The following PTPRK variants were observed in gnomAD, a reference collection of about 807,000 sequenced individuals.
PTPRK encodes receptor-type tyrosine-protein phosphatase kappa.
Under a neutral mutation model 178.0 loss-of-function variants are expected in PTPRK, and 75 were observed. The ratio of observed to expected loss-of-function variants is 0.42; its 90% CI spans 0.35 to 0.51. The LOEUF (loss-of-function observed/expected upper bound fraction) is 0.51, where lower values mean the gene tolerates loss of function less well. Ranked by LOEUF, PTPRK falls within the 20% of genes least tolerant of loss-of-function variation. The pLI, the probability that PTPRK is intolerant of heterozygous loss-of-function variation, is 0.02. For synonymous variants in PTPRK, 637 were observed against 620.6 expected (o/e 1.03, Z -0.39); for missense variants, 1,441 against 1,797.8 (o/e 0.80, Z 3.59).
intron 13 of PTPRK, among the ~76,000 whole-genome samples, chr6:128,010,693 CAAAT>C (rs1470640319): frequency 1.3e-5 from 2 of 151,168 alleles, no homozygotes; most frequent in African/African-American, 4.8e-5. Context: ...AGACATAGCT[CAAAT>C]AAAAGCGTCA....
intron 1 of PTPRK, among the ~76,000 whole-genome samples, chr6:128,506,724 A>C (rs192404141): frequency 2.6e-5 from 4 of 151,934 alleles, no homozygotes; most frequent in African/African-American, 9.6e-5. Context: ...AAAAAGAATA[A>C]GTTTGCTTCT....
chr6:128,094,564 A>C (rs1363028193), intron 7 of PTPRK, among the ~76,000 whole-genome samples: 1 of 152,178 alleles, frequency 6.6e-6, no homozygotes, highest in Non-Finnish European at 1.5e-5. Context: ...ATTGGGGGGT[A>C]AAATGATCCA....
chr6:127,985,902 T>C, intron 21 of PTPRK, 27 bp from the exon 22 acceptor site: 2 of 1,585,820 alleles, frequency 1.3e-6, no homozygotes, highest in Non-Finnish European at 1.7e-6. Flanking sequence ...AGAAATGTTT[T>C]CAAAAGCCAT....
chr6:127,974,713 C>T (rs1248647003), intron 27 of PTPRK, among the ~76,000 whole-genome samples: 2 of 152,188 alleles, frequency 1.3e-5, no homozygotes, highest in Non-Finnish European at 2.9e-5. Context: ...ATTCTTTACT[C>T]TTTCACTGTA....
intron 22 of PTPRK, among the ~76,000 whole-genome samples, chr6:127,984,598 A>T (rs1350816723): frequency 1.3e-5 from 2 of 152,208 alleles, no homozygotes; most frequent in Non-Finnish European, 1.5e-5. Flanking sequence ...TGATAAATCA[A>T]GAAATTCTTA....
At chr6:128,444,517 C>T (rs977677404) in intron 1 of PTPRK, among the ~76,000 whole-genome samples, 1 of 152,178 alleles carries the variant, frequency 6.6e-6, no homozygotes, top group Non-Finnish European at 1.5e-5. Flanking sequence ...ATGCTGAGCC[C>T]TCTTTCCCTC....
intron 9 of PTPRK, among the ~76,000 whole-genome samples, chr6:128,082,879 A>C (rs923916308): frequency 2.0e-5 from 3 of 151,944 alleles, no homozygotes; most frequent in Admixed American, 2.0e-4. Context: ...ATATACATCT[A>C]TTTTCTTCCA....
At chr6:128,128,841 C>T (rs1020235701) in intron 7 of PTPRK, among the ~76,000 whole-genome samples, 2 of 152,160 alleles carry the variant, frequency 1.3e-5, no homozygotes, top group Non-Finnish European at 2.9e-5. Context: ...TACTTTTGTA[C>T]GTTCACAAGC....
chr6:128,302,884 G>A (rs375825461), intron 3 of PTPRK, among the ~76,000 whole-genome samples: 1 of 151,830 alleles, frequency 6.6e-6, no homozygotes, highest in East Asian at 1.9e-4. Context: ...TGAGCCAATG[G>A]CACATGGCTG....
At chr6:128,036,266 T>C (rs1326615691) in intron 13 of PTPRK, among the ~76,000 whole-genome samples, 1 of 152,164 alleles carries the variant, frequency 6.6e-6, no homozygotes, top group East Asian at 1.9e-4. Flanking sequence ...TGTAGCTATA[T>C]TGTCTTCATG....
At chr6:128,106,302 T>A (rs1392920895) in intron 7 of PTPRK, among the ~76,000 whole-genome samples, 1 of 152,164 alleles carries the variant, frequency 6.6e-6, no homozygotes, top group Non-Finnish European at 1.5e-5. Context: ...AAGAATCGTT[T>A]AGTTTTGTTG....
intron 7 of PTPRK, among the ~76,000 whole-genome samples, chr6:128,094,958 G>A (rs924712345): frequency 1.3e-5 from 2 of 152,148 alleles, no homozygotes; most frequent in African/African-American, 4.8e-5. Context: ...AAACAGAGAT[G>A]AGCATGTGTT....
chr6:128,510,032 T>C (rs1169557952), intron 1 of PTPRK, among the ~76,000 whole-genome samples: 1 of 152,146 alleles, frequency 6.6e-6, no homozygotes, highest in African/African-American at 2.4e-5. Flanking sequence ...AGGACATAAA[T>C]AAGACAGAAA....
chr6:128,081,912 C>T (rs1049024361), intron 10 of PTPRK, among the ~76,000 whole-genome samples: 1 of 151,882 alleles, frequency 6.6e-6, no homozygotes, highest in Admixed American at 6.6e-5. Flanking sequence ...TCTTTATCAA[C>T]CTAAAATTCT....
At chr6:128,104,341 C>G (rs371491101) in intron 7 of PTPRK, among the ~76,000 whole-genome samples, 13 of 152,292 alleles carry the variant, frequency 8.5e-5, no homozygotes, top group African/African-American at 2.9e-4. Flanking sequence ...ATTCTCCTGC[C>G]TCAGCCTCCC....
chr6:128,439,518 T>G (rs1288021686), intron 1 of PTPRK, among the ~76,000 whole-genome samples: 1 of 152,214 alleles, frequency 6.6e-6, no homozygotes, highest in African/African-American at 2.4e-5. Flanking sequence ...TTCAAAATGC[T>G]TTATTCATGA....
Position 127,982,898 on chromosome 6 carries a change from G to C in PTPRK, c.3470C>G (p.Ala1157Gly). The C allele has an allele frequency of 1.2e-6, 2 of 1,612,230 alleles. No homozygotes were observed. ...ETAIPVCEFK[A>G]AYFDMIRIDS... ...TATTCTAATCATATCAAAATATGCA[G>C]CTTTAAATTCACAGACAGGTATGGC... Residue 1157 changes from alanine to glycine, a missense_variant, in exon 24 of 30, where the codon GCT (alanine) becomes GGT (glycine). Ala to Gly is a moderately conservative substitution (Grantham distance 60, BLOSUM62 0). Transcript: ENST00000368226.
chr6:128,262,140 A>G (rs536604493), intron 3 of PTPRK, among the ~76,000 whole-genome samples: 1 of 152,254 alleles, frequency 6.6e-6, no homozygotes, highest in East Asian at 1.9e-4. Context: ...ATTCATCCCA[A>G]TTTTATGGAT....
chr6:128,375,078 T>C (rs1350581717), intron 2 of PTPRK, among the ~76,000 whole-genome samples: 2 of 146,968 alleles, frequency 1.4e-5, no homozygotes, highest in African/African-American at 4.9e-5. Context: ...ATTATTATTA[T>C]TATTATTATT....
Sources: gnomAD v4.1 joint callset for allele counts (sites outside exome capture counted in the v4.1 genomes callset) on GRCh38, gnomAD v4.1.1 for gene constraint, MANE v1.5 for transcripts, NCBI Gene and HGNC (gene_info 2026-07-23, HGNC 2026-07-21) for gene names.